The following EYS variants were observed in gnomAD, a reference collection of about 807,000 sequenced individuals.
The protein encoded by EYS is protein eyes shut homolog.
Under a neutral mutation model 282.1 loss-of-function variants are expected in EYS, and 250 were observed. The ratio of observed to expected loss-of-function variants is 0.89; its 90% CI spans 0.80 to 0.98. The LOEUF (loss-of-function observed/expected upper bound fraction) is 0.98. EYS is among the 50% of genes least tolerant of loss of function. The pLI, the probability that EYS is intolerant of heterozygous loss-of-function variation, is 0.00. For synonymous variants in EYS, 1,355 were observed against 1,282.9 expected, an observed-to-expected ratio of 1.06 and a Z score of -1.20; for missense variants, 4,016 against 3,709.0, an observed-to-expected ratio of 1.08 and a Z score of -2.15.
intron 32 of EYS, among the ~76,000 whole-genome samples, chr6:64,072,740 C>T (rs1582229708): frequency 2.0e-5 from 3 of 151,868 alleles, no homozygotes; most frequent in East Asian, 3.9e-4. Context: ...TCCATTCTAT[C>T]GTTTCTACTC....
At chr6:64,699,360 GAT>G (rs1770703580) in intron 22 of EYS, among the ~76,000 whole-genome samples, 1 of 152,048 alleles carries the variant, frequency 6.6e-6, no homozygotes, top group Non-Finnish European at 1.5e-5. Flanking sequence ...GAGCAGAAAA[GAT>G]AACTATTGGG....
rs11966841 is a variant in EYS at position 65,523,945 on chromosome 6, C to T, written c.-332-27952G>A. Among the ~76,000 whole-genome samples, 1,174 of 152,292 alleles carry T rather than the reference C, an allele frequency of 7.7e-3. 19 individuals are homozygous for T. The highest frequency in any genetic ancestry group is 0.025 in the African/African-American group (1,053 of 41,546). ...AGAGTGAAATGGCACGATCCCAGCTCACTGCAAACTCCGCCTCCTGGGTTC... is the reference window on the plus strand; with the variant it reads ...AGAGTGAAATGGCACGATCCCAGCTTACTGCAAACTCCGCCTCCTGGGTTC... On this transcript the variant is annotated intron_variant, in intron 2 of 42. Transcript: ENST00000503581.
At chr6:63,923,658 G>T (rs925679711) in intron 35 of EYS, among the ~76,000 whole-genome samples, 6 of 152,132 alleles carry the variant, frequency 3.9e-5, no homozygotes, top group Non-Finnish European at 7.4e-5. Context: ...CTGAGGTTGG[G>T]AGTACGACTG....
intron 31 of EYS, among the ~76,000 whole-genome samples, chr6:64,154,849 A>T (rs1774864623): frequency 6.6e-6 from 1 of 152,090 alleles, no homozygotes; most frequent in South Asian, 2.1e-4. Context: ...TCCAGTCTCT[A>T]TTAAAATAAT....
At chr6:64,369,214 C>G (rs1772273800) in intron 29 of EYS, among the ~76,000 whole-genome samples, 1 of 151,990 alleles carries the variant, frequency 6.6e-6, no homozygotes, top group South Asian at 2.1e-4. Context: ...TCAGTTTTGT[C>G]AATCAGATAG....
At chr6:64,111,221 C>T (rs1773193072) in intron 31 of EYS, among the ~76,000 whole-genome samples, 1 of 151,858 alleles carries the variant, frequency 6.6e-6, no homozygotes, top group African/African-American at 2.4e-5. Context: ...ATAGTTGTAC[C>T]TCATTGGCAG....
At chr6:63,731,849 G>C (rs191592530) in intron 41 of EYS, among the ~76,000 whole-genome samples, 12 of 152,256 alleles carry the variant, frequency 7.9e-5, no homozygotes, top group Admixed American at 2.6e-4. Flanking sequence ...TTGAGGAAGT[G>C]TTTGTAGGAA....
chr6:64,759,401 ATG>A (rs1202700146), intron 22 of EYS, among the ~76,000 whole-genome samples: 1 of 152,180 alleles, frequency 6.6e-6, no homozygotes, highest in East Asian at 1.9e-4. Context: ...ATATAGTTTT[ATG>A]TACATAATTT....
intron 29 of EYS, among the ~76,000 whole-genome samples, chr6:64,319,313 A>G (rs768462912): frequency 7.2e-5 from 11 of 151,970 alleles, no homozygotes; most frequent in Non-Finnish European, 1.6e-4. Flanking sequence ...TTAGCTACCT[A>G]TCTTACTAAT....
At chr6:65,599,425 T>G (rs1398670270) in intron 2 of EYS, among the ~76,000 whole-genome samples, 1 of 152,070 alleles carries the variant, frequency 6.6e-6, no homozygotes, top group East Asian at 1.9e-4. Flanking sequence ...GGTTATGTTC[T>G]TCATCTTGCT....
intron 13 of EYS, among the ~76,000 whole-genome samples, chr6:65,029,622 C>T (rs1772534617): frequency 6.6e-6 from 1 of 151,978 alleles, no homozygotes; most frequent in Admixed American, 6.6e-5. Context: ...TCTCCTCTTC[C>T]TCCTCCTCCG....
intron 12 of EYS, among the ~76,000 whole-genome samples, chr6:65,126,381 A>G (rs1327776997): frequency 6.6e-6 from 1 of 152,166 alleles, no homozygotes; most frequent in Admixed American, 6.5e-5. Context: ...ATGGTTTCTT[A>G]TGTCAATGCT....
chr6:65,272,409 T>A (rs936095820), intron 12 of EYS, among the ~76,000 whole-genome samples: 2 of 152,126 alleles, frequency 1.3e-5, no homozygotes, highest in African/African-American at 4.8e-5. Context: ...AGTCCATGGA[T>A]GGCTAAGAGT....
chr6:64,339,748 G>T (rs1771021137), intron 29 of EYS, among the ~76,000 whole-genome samples: 1 of 151,824 alleles, frequency 6.6e-6, no homozygotes, highest in South Asian at 2.1e-4. Flanking sequence ...TATGGCATTT[G>T]CAGCGACCTG....
At chr6:65,287,903 C>T (rs1355719661) in intron 12 of EYS, among the ~76,000 whole-genome samples, 1 of 151,072 alleles carries the variant, frequency 6.6e-6, no homozygotes, top group African/African-American at 2.4e-5. Flanking sequence ...TCTAGAGCTC[C>T]TATATTCTAT....
At chr6:64,480,578 C>T (rs1021742812) in intron 26 of EYS, among the ~76,000 whole-genome samples, 1 of 151,726 alleles carries the variant, frequency 6.6e-6, no homozygotes, top group African/African-American at 2.4e-5. Flanking sequence ...AAAATATATT[C>T]CAGAATTAAG....
intron 26 of EYS, among the ~76,000 whole-genome samples, chr6:64,562,138 C>T (rs1282631376): frequency 6.6e-6 from 1 of 151,626 alleles, no homozygotes; most frequent in Non-Finnish European, 1.5e-5. Flanking sequence ...TTCTTAGAGA[C>T]TACATTTATT....
chr6:65,287,415 T>C (rs1017984562), intron 12 of EYS, among the ~76,000 whole-genome samples: 3 of 151,542 alleles, frequency 2.0e-5, no homozygotes, highest in African/African-American at 7.2e-5. Context: ...CCTTTAAAAA[T>C]GTAGTTCTTT....
intron 26 of EYS, among the ~76,000 whole-genome samples, chr6:64,484,824 A>G (rs568128942): frequency 4.0e-4 from 60 of 151,690 alleles, no homozygotes; most frequent in African/African-American, 1.4e-3. Context: ...AGTTGCAAAG[A>G]TAACAAAGGT....
Sources: gnomAD v4.1 joint callset for allele counts (sites outside exome capture counted in the v4.1 genomes callset) on GRCh38, gnomAD v4.1.1 for gene constraint, MANE v1.5 for transcripts, NCBI Gene and HGNC (gene_info 2026-07-23, HGNC 2026-07-21) for gene names.